CMIP: variants seen among roughly 807,000 people sequenced by gnomAD.
The protein encoded by CMIP is C-Maf-inducing protein.
CMIP carries 13 observed loss-of-function variants against 97.3 expected under a neutral mutation model. That is an observed-to-expected ratio of 0.13 (90% CI 0.09 to 0.21). CMIP has a LOEUF of 0.21. Among genes scored for constraint, CMIP ranks in the 10% least tolerant of loss-of-function variants. CMIP has a pLI of 1.00. For missense variants in CMIP, 847 were observed against 1,024.9 expected (o/e 0.83, Z 2.37); for synonymous variants, 538 against 436.3 (o/e 1.23, Z -2.91).
At chr16:81,445,610 C>T (rs1344688009) in intron 1 of CMIP, 69 bp downstream of exon 1, 3 of 1,479,274 alleles carry the variant, frequency 2.0e-6, no homozygotes, top group African/African-American at 2.8e-5. Context: ...CCTGGCTGCC[C>T]CCTGGCGCTG....
intron 15 of CMIP, among the ~76,000 whole-genome samples, chr16:81,701,045 G>T (rs752917180): frequency 1.3e-5 from 2 of 151,794 alleles, no homozygotes; most frequent in African/African-American, 4.8e-5. Flanking sequence ...AGCAACTTGG[G>T]ATGCTGAGGT....
At chr16:81,559,664 C>A (rs2090838059) in intron 1 of CMIP, among the ~76,000 whole-genome samples, 1 of 152,168 alleles carries the variant, frequency 6.6e-6, no homozygotes, top group Non-Finnish European at 1.5e-5. Context: ...TCTCGCACTG[C>A]CAGTCGTGCA....
chr16:81,629,887 C>A (rs139812078), intron 3 of CMIP, among the ~76,000 whole-genome samples: 3 of 152,244 alleles, frequency 2.0e-5, no homozygotes, highest in African/African-American at 4.8e-5. Flanking sequence ...CAGCCATGAC[C>A]GTCGTGTATC....
intron 7 of CMIP, chr16:81,665,369 T>C (rs1039872223): frequency 1.3e-5 from 2 of 152,216 alleles, no homozygotes; most frequent in East Asian, 1.9e-4. Flanking sequence ...CAGATGCTTA[T>C]TGAACACTTT....
chr16:81,558,497 C>T (rs151074091), intron 1 of CMIP, among the ~76,000 whole-genome samples: 131 of 152,308 alleles, frequency 8.6e-4, no homozygotes, highest in African/African-American at 3.0e-3. Flanking sequence ...CCACTAACAG[C>T]ATGTAGAGAC....
intron 6 of CMIP, 98 bp downstream of exon 6, chr16:81,661,044 G>T: frequency 1.4e-6 from 2 of 1,468,476 alleles, no homozygotes; most frequent in Non-Finnish European, 9.5e-7. Context: ...AAAAACCTGG[G>T]CCCCACCGTC....
intron 3 of CMIP, among the ~76,000 whole-genome samples, chr16:81,640,770 G>GTGTGTGTGTGTC (rs376370488): frequency 0.017 from 2,313 of 135,600 alleles, 23 homozygotes; most frequent in East Asian, 0.035. Context: ...GTGTGTGTGT[G>GTGTGTGTGTGTC]TCTCTCTCTC....
At chr16:81,623,808 T>C (rs2092023396) in intron 3 of CMIP, among the ~76,000 whole-genome samples, 4 of 152,224 alleles carry the variant, frequency 2.6e-5, no homozygotes, top group Non-Finnish European at 4.4e-5. Context: ...ACTGAGTACA[T>C]GTGAGATGCC....
At chr16:81,670,050 T>C in intron 7 of CMIP, 92 bp from the exon 8 acceptor site, 1 of 1,227,996 alleles carries the variant, frequency 8.1e-7, no homozygotes, top group Non-Finnish European at 1.1e-6. Flanking sequence ...CAGGCAGAGC[T>C]CGGTCCCGCC....
At chr16:81,688,352 C>A (rs188417123) in intron 10 of CMIP, among the ~76,000 whole-genome samples, 1 of 152,200 alleles carries the variant, frequency 6.6e-6, no homozygotes, top group African/African-American at 2.4e-5. Context: ...CCTTCCTTAC[C>A]CAGGCAGGCG....
chr16:81,483,733 C>T (rs903679684), intron 1 of CMIP, among the ~76,000 whole-genome samples: 1 of 152,202 alleles, frequency 6.6e-6, no homozygotes, highest in African/African-American at 2.4e-5. Flanking sequence ...CCATCCCCTC[C>T]TCCAGCTATC....
chr16:81,615,084 CTT>C lies in CMIP; in HGVS notation c.427-5790_427-5789del, dbSNP rs557055410. On this transcript the variant is annotated intron_variant, in intron 2 of 20. Transcript: ENST00000537098. ...TGAGGTGTGTGTCTGTGTGGTATGT[CTT>C]TGTGTGTATGAGGTGTGTATGGTAT... Among the ~76,000 whole-genome samples, 357 of 107,164 alleles carry C rather than the reference CTT, an allele frequency of 3.3e-3. 1 individual carries two copies. Among genetic ancestry groups the C allele is most frequent in the African/African-American group, 0.012 (331 of 27,414 alleles). 70.3% of individuals were successfully genotyped at this position (107,164 alleles called of 152,430 possible).
intron 1 of CMIP, among the ~76,000 whole-genome samples, chr16:81,545,035 G>A (rs1002443621): frequency 5.9e-5 from 9 of 151,944 alleles, no homozygotes; most frequent in Admixed American, 3.3e-4. Context: ...AGCCACAAAC[G>A]ACCTTTTGCT....
At chr16:81,570,851 C>T (rs1176921265) in intron 1 of CMIP, among the ~76,000 whole-genome samples, 2 of 152,138 alleles carry the variant, frequency 1.3e-5, no homozygotes, top group Admixed American at 6.5e-5. Context: ...CAGAGCCCTC[C>T]TGTGTCCCAG....
intron 1 of CMIP, among the ~76,000 whole-genome samples, chr16:81,565,899 C>T (rs972062315): frequency 4.6e-5 from 7 of 152,186 alleles, no homozygotes; most frequent in Admixed American, 2.0e-4. Context: ...GGAGCGGGCA[C>T]AGATGTCACG....
chr16:81,666,664 A>G (rs1392840256), intron 7 of CMIP: 1 of 152,118 alleles, frequency 6.6e-6, no homozygotes, highest in Non-Finnish European at 1.5e-5. Context: ...GTGTCTGGGG[A>G]TGCTTTAACG....
At chr16:81,523,601 G>A (rs561954235) in intron 1 of CMIP, among the ~76,000 whole-genome samples, 8 of 152,340 alleles carry the variant, frequency 5.3e-5, no homozygotes, top group Admixed American at 6.5e-5. Flanking sequence ...CAGCCCAACC[G>A]TGGTTGCCTC....
chr16:81,604,720 A>C (rs146198529), intron 1 of CMIP, among the ~76,000 whole-genome samples: 1 of 152,242 alleles, frequency 6.6e-6, no homozygotes, highest in African/African-American at 2.4e-5. Context: ...AAACAAAAAA[A>C]CAGTATGTAT....
chr16:81,639,854 G>T (rs1387100109), intron 3 of CMIP, among the ~76,000 whole-genome samples: 1 of 152,198 alleles, frequency 6.6e-6, no homozygotes, highest in African/African-American at 2.4e-5. Flanking sequence ...TGGTTTTAAT[G>T]TGTAGCCAGG....
Sources: gnomAD v4.1 joint callset for allele counts (sites outside exome capture counted in the v4.1 genomes callset) on GRCh38, gnomAD v4.1.1 for gene constraint, MANE v1.5 for transcripts, NCBI Gene and HGNC (gene_info 2026-07-23, HGNC 2026-07-21) for gene names.